Variants in TYSND1 observed in about 807,000 individuals in gnomAD.
TYSND1 encodes the protein trypsin like peroxisomal matrix peptidase 1, also known as peroxisomal leader peptide-processing protease.
Under a neutral mutation model 37.2 loss-of-function variants are expected in TYSND1, and 30 were observed. The observed-to-expected ratio is 0.81, with a 90% CI of 0.60 to 1.09. TYSND1 has a LOEUF of 1.09. Ranked by LOEUF, TYSND1 falls within the 50% of genes least tolerant of loss-of-function variation. The probability of loss-of-function intolerance (pLI) is 0.00; values close to 1 mark genes in which losing one functional copy is unlikely to be tolerated. For missense variants in TYSND1, 806 were observed against 817.4 expected, an observed-to-expected ratio of 0.99 and a Z score of 0.17; for synonymous variants, 364 against 383.8, an observed-to-expected ratio of 0.95 and a Z score of 0.60.
In TYSND1 at chr10:70,146,047, T is replaced by C; in HGVS notation, c.540A>G (p.Arg180=). ...VSEDEEADQL[R]ALGWFALLGV... ...CCAGCAGCGCAAACCAGCCCAGCGC[T>C]CTCAGTTGATCCGCCTCCTCGTCCT... The change falls in exon 1 of 4, where the codon AGA becomes AGG. Residue 180 remains arginine, a synonymous_variant. Coordinates refer to ENST00000287078, the MANE Select transcript of TYSND1 (RefSeq NM_173555.4). 6.3e-7 allele frequency: 1 copy of C among 1,596,460 alleles called. No individual in the cohort carries two copies. Among genetic ancestry groups the C allele is most frequent in the African/African-American group, 1.3e-5 (1 of 74,522 alleles).
In TYSND1 at chr10:70,146,423, G is replaced by A; in HGVS notation, c.164C>T (p.Pro55Leu). 1 of 1,601,666 alleles carries A rather than the reference G, an allele frequency of 6.2e-7. No individual in the cohort carries two copies. The change falls in exon 1 of 4, where the codon CCC (proline) becomes CTC (leucine). Residue 55 changes from proline to leucine, a missense_variant. By Grantham distance (98) the Pro-to-Leu change is moderately conservative. Coordinates refer to ENST00000287078, the MANE Select transcript of TYSND1 (RefSeq NM_173555.4). ...LVLCHGGIFV[P>L]FLRAGSEVLT... The stretch of plus-strand genomic sequence containing the variant: ...GACTTCGCTGCCAGCTCGCAGGAAG[G>A]GGACGAAGATGCCCCCGTGGCAAAG...
At position 70,145,635 on chromosome 10, in the gene TYSND1, C is replaced by T. The variant is rs1047291510; in HGVS notation, c.952G>A (p.Ala318Thr). ...GGCGGCAGAAGGGCGGCCAGGGCAG[C>T]GGTGCTGTGCGGCAGGCGGTGAAGC... ...DALHRLPHST[A>T]ALAALLPPEV... Residue 318 changes from alanine (A) to threonine (T), a missense_variant, in exon 1 of 4, where the codon GCT becomes ACT. By Grantham distance (58) the Ala-to-Thr change is moderately conservative. Transcript: ENST00000287078. 4.3e-6 allele frequency: 6 copies of T among 1,408,080 alleles called. No homozygotes were observed. Among genetic ancestry groups the T allele is most frequent in the East Asian group, 5.9e-5 (2 of 33,620 alleles). The allele number at this position is 1,408,080 out of a possible 1,614,324, so 87.2% of individuals were successfully genotyped here. A position where few individuals can be genotyped will look rare whatever the true frequency, so the allele number is the denominator to read the frequency against.
chr10:70,143,543 C>T (rs890109278), intron 2 of TYSND1, among the ~76,000 whole-genome samples: 1 of 152,224 alleles, frequency 6.6e-6, no homozygotes, highest in South Asian at 2.1e-4. Context: ...TTACCCAAAT[C>T]GTGCCCCTGG....
In TYSND1 at chr10:70,146,195, G is replaced by C. The variant is rs1244242316; in HGVS notation, c.392C>G (p.Pro131Arg). 3.3e-6 allele frequency: 5 copies of C among 1,533,384 alleles called. No individual in the cohort carries two copies. The highest frequency in any genetic ancestry group is 3.5e-6 in the Non-Finnish European group (4 of 1,144,554). The allele number at this position is 1,533,384 out of a possible 1,614,324, so 95.0% of individuals were successfully genotyped here. The stretch of plus-strand genomic sequence containing the variant: ...GCTCAGCAGCAGCAGCAGCTCAGCA[G>C]GAAGCCGGGGCTGCAGGGGACGCCC... Reference protein sequence around the residue: ...SRGRPLQPRLPAELLLLLSCP... With the variant: ...SRGRPLQPRLRAELLLLLSCP... Residue 131 changes from proline (P) to arginine (R), a missense_variant, in exon 1 of 4, where the codon CCT becomes CGT. Coordinates refer to ENST00000287078, the MANE Select transcript of TYSND1 (RefSeq NM_173555.4).
intron 3 of TYSND1, among the ~76,000 whole-genome samples, chr10:70,142,446 T>C (rs2072794509): frequency 2.0e-5 from 3 of 152,184 alleles, no homozygotes; most frequent in African/African-American, 7.2e-5. Context: ...CAGATTAGAT[T>C]AGTAGCAGAG....
chr10:70,139,579 G>C lies in TYSND1; in HGVS notation c.*345C>G, dbSNP rs574352449. ...GGGGAACAGACGCAAAACCAGGCACGGGCCTGCCTTCCAGCTGGAATCTAC... is the reference window on the plus strand; with the variant it reads ...GGGGAACAGACGCAAAACCAGGCACCGGCCTGCCTTCCAGCTGGAATCTAC... On this transcript the variant is annotated 3_prime_UTR_variant, in exon 4 of 4. Transcript: ENST00000287078. The C allele has an allele frequency of 2.8e-5, 6 of 211,898 alleles. No homozygotes were observed. In the South Asian group the frequency reaches 4.9e-4, roughly 17 times the overall value. 13.1% of individuals were successfully genotyped at this position (211,898 alleles called of 1,614,324 possible).
chr10:70,144,406 G>C lies in TYSND1; in HGVS notation c.1167-434C>G, dbSNP rs941829254. On this transcript the variant is annotated intron_variant, in intron 1 of 3. Transcript: ENST00000287078. Reference sequence around the variant, plus strand: ...ACACAACACTTTCCTTCACTGCCTCGTTGATACCCACAACAATCCCGTCAG... The same window carrying C: ...ACACAACACTTTCCTTCACTGCCTCCTTGATACCCACAACAATCCCGTCAG... 7 of 965,724 alleles carry C rather than the reference G, an allele frequency of 7.2e-6. No individual in the cohort carries two copies. In the African/African-American group the frequency reaches 8.8e-5, roughly 12 times the overall value. The allele number at this position is 965,724 out of a possible 1,614,324, so 59.8% of individuals were successfully genotyped here.
At position 70,142,700 on chromosome 10, in the gene TYSND1, G is replaced by C. The variant is rs201771382; in HGVS notation, c.1451C>G (p.Pro484Arg). ...CAVHSGSSGG[P>R]LFSNHSGNLL... ...GTTTCCTGAGTGGTTGGAGAAGAGGGGTCCCCCACTGGAGCCGCTGTGCAC... is the reference window on the plus strand; with the variant it reads ...GTTTCCTGAGTGGTTGGAGAAGAGGCGTCCCCCACTGGAGCCGCTGTGCAC... Residue 484 changes from proline to arginine, a missense_variant, in exon 3 of 4, where the codon CCC becomes CGC. Physicochemically the swap from Pro to Arg is moderately radical, Grantham distance 103. This residue lies in a region of TYSND1 where 708 missense variants were observed against 705.4 expected (regional missense o/e 1.00). Coordinates refer to ENST00000287078, the MANE Select transcript of TYSND1 (RefSeq NM_173555.4). 10 of 1,604,920 alleles carry C rather than the reference G, an allele frequency of 6.2e-6. No individual in the cohort carries two copies. In the East Asian group the frequency reaches 2.2e-4, roughly 36 times the overall value.
chr10:70,145,691 G>A lies in TYSND1; in HGVS notation c.896C>T (p.Ala299Val). ...EWVGFTLLCA[A>V]APLFRAARDA... ...GCGGGCGGCGCGGAAAAGGGGGGCGGCGGCGCAGAGCAGCGTGAAGCCCAC... is the reference window on the plus strand; with the variant it reads ...GCGGGCGGCGCGGAAAAGGGGGGCGACGGCGCAGAGCAGCGTGAAGCCCAC... Residue 299 changes from alanine to valine, a missense_variant, in exon 1 of 4, where the codon GCC becomes GTC. Ala to Val is a moderately conservative substitution (Grantham distance 64). This residue lies in a region of TYSND1 where 708 missense variants were observed against 705.4 expected (regional missense o/e 1.00). Transcript: ENST00000287078. The A allele has an allele frequency of 7.2e-7, 1 of 1,386,116 alleles. No individual in the cohort carries two copies. The highest frequency in any genetic ancestry group is 9.3e-7 in the Non-Finnish European group (1 of 1,079,014). The allele number at this position is 1,386,116 out of a possible 1,614,324, so 85.9% of individuals were successfully genotyped here. A position where few individuals can be genotyped will look rare whatever the true frequency, so the allele number is the denominator to read the frequency against.
At chr10:70,140,846 C>T (rs2072758768) in intron 3 of TYSND1, among the ~76,000 whole-genome samples, 1 of 152,154 alleles carries the variant, frequency 6.6e-6, no homozygotes, top group South Asian at 2.1e-4. Context: ...CAGTCTAGGA[C>T]TCCATATTCC....
At chr10:70,142,126 G>C (rs890597496) in intron 3 of TYSND1, among the ~76,000 whole-genome samples, 2 of 135,954 alleles carry the variant, frequency 1.5e-5, no homozygotes, top group Non-Finnish European at 3.3e-5. Context: ...CTTTTTGACA[G>C]CTAAACAGAC....
chr10:70,144,416 A>T, intron 1 of TYSND1: 1 of 984,832 alleles, frequency 1.0e-6, no homozygotes, highest in Non-Finnish European at 1.2e-6. Context: ...GTTGATACCC[A>T]CAACAATCCC....
In TYSND1 at chr10:70,145,964, G is replaced by A; in HGVS notation, c.623C>T (p.Ser208Leu). The A allele has an allele frequency of 6.4e-7, 1 of 1,561,374 alleles. No individual in the cohort carries two copies. ...EEERGPAMAV[S>L]PLGAVPKGAP... ...ACCCTTGGGCACGGCCCCGAGAGGCGACACCGCCATGGCTGGCCCGCGCTC... is the reference window on the plus strand; with the variant it reads ...ACCCTTGGGCACGGCCCCGAGAGGCAACACCGCCATGGCTGGCCCGCGCTC... The change falls in exon 1 of 4, where the codon TCG becomes TTG. Residue 208 changes from serine to leucine, a missense_variant. Around this residue, in one of 3 missense-constraint regions of TYSND1, gnomAD observed 708 missense variants for 705.4 expected, o/e 1.00. Coordinates refer to ENST00000287078, the MANE Select transcript of TYSND1 (RefSeq NM_173555.4).
chr10:70,145,416 CTTA>C lies in TYSND1; in HGVS notation c.1166+2_1166+4del. ...GATGAAGTGGCGTCAGCCCTGCGGGCTTACTTGGGGGTGGTGGAGCGCACCAGG... is the reference window on the plus strand; with the variant it reads ...GATGAAGTGGCGTCAGCCCTGCGGGCCTTGGGGGTGGTGGAGCGCACCAGG... On this transcript the variant is annotated splice_donor_variant and splice_donor_region_variant and intron_variant, in intron 1 of 3. Transcript: ENST00000287078. LOFTEE classifies it high-confidence loss of function. The C allele has an allele frequency of 1.4e-6, 2 of 1,419,596 alleles. No individual in the cohort carries two copies. The highest frequency in any genetic ancestry group is 1.8e-6 in the Non-Finnish European group (2 of 1,085,080). 87.9% of individuals were successfully genotyped at this position (1,419,596 alleles called of 1,614,324 possible). A position where few individuals can be genotyped will look rare whatever the true frequency, so the allele number is the denominator to read the frequency against.
At chr10:70,143,605 C>A (rs1431777041) in intron 2 of TYSND1, among the ~76,000 whole-genome samples, 1 of 152,218 alleles carries the variant, frequency 6.6e-6, no homozygotes, top group African/African-American at 2.4e-5. Flanking sequence ...GTTAAGGAAC[C>A]CCAAAGGCCC....
chr10:70,140,285 T>C (rs1240944009), intron 3 of TYSND1, 144 bp from the exon 4 acceptor site: 3 of 635,810 alleles, frequency 4.7e-6, no homozygotes, highest in African/African-American at 3.7e-5. Context: ...GCTGAGCTTC[T>C]AGACATGAAC....
rs1212300817 is a variant in TYSND1, at chr10:70,139,974, C to G, written c.1651G>C (p.Val551Leu). The G allele has an allele frequency of 6.2e-7, 1 of 1,614,118 alleles. No homozygotes were observed. The highest frequency in any genetic ancestry group is 8.5e-7 in the Non-Finnish European group (1 of 1,180,018). Residue 551 changes from valine (V) to leucine (L), a missense_variant, in exon 4 of 4, where the codon GTG (valine) becomes CTG (leucine). Val to Leu is a conservative substitution (Grantham distance 32). This residue lies in a region of TYSND1 where 708 missense variants were observed against 705.4 expected (regional missense o/e 1.00). Transcript: ENST00000287078. ...GCCAGGGGCCGCTGCAACCGCCACA[C>G]CACCCTGACTGGCTCAGCAGCGCGG... ...LDRAAEPVRV[V>L]WRLQRPLAEA...
Position 70,139,802 on chromosome 10 carries a change from G to A in TYSND1, c.*122C>T. ...GCCCAGTCTGCAGTCAGTGGGTGGAGATGAGAGGCAGCCTGGGCCCCTGCA... is the reference window on the plus strand; with the variant it reads ...GCCCAGTCTGCAGTCAGTGGGTGGAAATGAGAGGCAGCCTGGGCCCCTGCA... On this transcript the variant is annotated 3_prime_UTR_variant, in exon 4 of 4. Transcript: ENST00000287078. 4 of 949,752 alleles carry A rather than the reference G, an allele frequency of 4.2e-6. No homozygotes were observed. Among genetic ancestry groups the A allele is most frequent in the Non-Finnish European group, 6.2e-6 (4 of 640,208 alleles). The allele number at this position is 949,752 out of a possible 1,614,324, so 58.8% of individuals were successfully genotyped here.
chr10:70,146,454 G>A lies in TYSND1; in HGVS notation c.133C>T (p.Leu45=), dbSNP rs1190485332. 3 of 1,604,104 alleles carry A rather than the reference G, an allele frequency of 1.9e-6. No individual in the cohort carries two copies. Among genetic ancestry groups the A allele is most frequent in the South Asian group, 1.1e-5 (1 of 90,558 alleles). ...SGVILSRSPG[L]VLCHGGIFVP... is the part of the protein sequence containing the mutation. ...AAGATGCCCCCGTGGCAAAGCACCA[G>A]GCCCGGGCTACGGCTCAGGATTACC... Residue 45 remains leucine, a synonymous_variant, in exon 1 of 4, where the codon CTG becomes TTG. Coordinates refer to ENST00000287078, the MANE Select transcript of TYSND1 (RefSeq NM_173555.4).
Sources: gnomAD v4.1 joint callset for allele counts (sites outside exome capture counted in the v4.1 genomes callset) on GRCh38, gnomAD v4.1.1 for gene constraint, gnomAD v4.1.1 regional missense constraint, MANE v1.5 for transcripts, NCBI Gene and HGNC (gene_info 2026-07-23, HGNC 2026-07-21) for gene names.